Variants in ASCC3 observed in about 807,000 individuals in gnomAD.
The protein encoded by ASCC3 is ASC-1 complex subunit P200.
ASCC3 carries 158 observed loss-of-function variants against 256.3 expected under a neutral mutation model. The observed-to-expected ratio is 0.62, with a 90% CI of 0.54 to 0.70. The LOEUF (loss-of-function observed/expected upper bound fraction) is 0.70. ASCC3 is among the 30% of genes least tolerant of loss of function. The probability of loss-of-function intolerance (pLI) is 0.00; values close to 1 mark genes in which losing one functional copy is unlikely to be tolerated. For synonymous variants in ASCC3, 948 were observed against 883.4 expected (o/e 1.07, Z -1.30); for missense variants, 2,259 against 2,626.0 (o/e 0.86, Z 3.05).
At chr6:100,729,967 T>C (rs557268448) in intron 10 of ASCC3, among the ~76,000 whole-genome samples, 191 of 152,200 alleles carry the variant, frequency 1.3e-3, no homozygotes, top group African/African-American at 4.5e-3. Flanking sequence ...TCAGGAGCCA[T>C]TGATTCCAGC....
At chr6:100,838,459 C>T (rs370232887) in intron 4 of ASCC3, among the ~76,000 whole-genome samples, 1 of 151,872 alleles carries the variant, frequency 6.6e-6, no homozygotes, top group Non-Finnish European at 1.5e-5. Flanking sequence ...AAGAAAATGA[C>T]CATGAAAATT....
chr6:100,591,994 T>G (rs1399739843), intron 34 of ASCC3, among the ~76,000 whole-genome samples: 1 of 151,946 alleles, frequency 6.6e-6, no homozygotes, highest in Non-Finnish European at 1.5e-5. Flanking sequence ...TTTACTGTAT[T>G]TACAAGGTAT....
chr6:100,715,660 A>G, intron 12 of ASCC3, 127 bp from the exon 13 acceptor site: 2 of 682,384 alleles, frequency 2.9e-6, no homozygotes, highest in Non-Finnish European at 5.2e-6. Flanking sequence ...AGAGGTATCA[A>G]ATACCTCATA....
At chr6:100,661,394 T>C (rs1198062902) in intron 16 of ASCC3, among the ~76,000 whole-genome samples, 1 of 150,448 alleles carries the variant, frequency 6.6e-6, no homozygotes, top group Non-Finnish European at 1.5e-5. Context: ...AATCACATTG[T>C]GTATAACAAA....
intron 4 of ASCC3, among the ~76,000 whole-genome samples, chr6:100,820,380 A>T (rs1582912799): frequency 6.6e-6 from 1 of 152,220 alleles, no homozygotes; most frequent in African/African-American, 2.4e-5. Context: ...AAGACTATTT[A>T]AAGGGAAAAG....
intron 37 of ASCC3, among the ~76,000 whole-genome samples, chr6:100,522,174 G>C (rs1488381265): frequency 6.6e-6 from 1 of 152,042 alleles, no homozygotes; most frequent in African/African-American, 2.4e-5. Flanking sequence ...GACAAAGCTA[G>C]GATGATTCTG....
intron 8 of ASCC3, among the ~76,000 whole-genome samples, chr6:100,792,325 A>C (rs369430774): frequency 3.7e-4 from 56 of 152,104 alleles, no homozygotes; most frequent in Admixed American, 1.5e-3. Flanking sequence ...TATTGACAAG[A>C]GGTGGTAAAA....
intron 12 of ASCC3, among the ~76,000 whole-genome samples, chr6:100,716,979 ACATAAT>A (rs1202986952): frequency 6.6e-6 from 1 of 151,612 alleles, no homozygotes; most frequent in Admixed American, 6.6e-5. Flanking sequence ...AAAATGAACT[ACATAAT>A]CAAATTATAT....
chr6:100,801,385 G>A (rs1769908810), intron 5 of ASCC3, among the ~76,000 whole-genome samples: 1 of 152,070 alleles, frequency 6.6e-6, no homozygotes, highest in Non-Finnish European at 1.5e-5. Flanking sequence ...TCCATACTCT[G>A]ACAAAGCACA....
intron 14 of ASCC3, among the ~76,000 whole-genome samples, chr6:100,678,895 C>T (rs187634151): frequency 1.3e-5 from 2 of 152,222 alleles, no homozygotes; most frequent in Admixed American, 1.3e-4. Context: ...ACATCTTTGG[C>T]CTTCGGGCCA....
Position 100,627,646 on chromosome 6 carries a change from A to T in ASCC3, c.4586T>A (p.Phe1529Tyr). ...ACGAGGACAGTAATGTTGACCTGGA[A>T]AGCCTTGAATGTGAACTTCCAGTGG... is the stretch of plus-strand genomic sequence containing the variant. ...PVPLEVHIQG[F>Y]PGQHYCPRMA... The change falls in exon 29 of 42, where the codon TTT (phenylalanine) becomes TAT (tyrosine). Residue 1529 changes from phenylalanine (F) to tyrosine (Y), a missense_variant. Around this residue, in one of 2 missense-constraint regions of ASCC3, gnomAD observed 1,839 missense variants for 2,206.7 expected, o/e 0.83. Coordinates refer to ENST00000369162, the MANE Select transcript of ASCC3 (RefSeq NM_006828.4). The T allele has an allele frequency of 6.2e-7, 1 of 1,613,686 alleles. No homozygotes were observed. Among genetic ancestry groups the T allele is most frequent in the Non-Finnish European group, 8.5e-7 (1 of 1,179,782 alleles).
chr6:100,578,102 G>A (rs1241745925), intron 36 of ASCC3, among the ~76,000 whole-genome samples: 2 of 151,924 alleles, frequency 1.3e-5, no homozygotes, highest in East Asian at 1.9e-4. Flanking sequence ...GGGTGATATT[G>A]TCAATATAAT....
chr6:100,725,551 A>T lies in ASCC3; in HGVS notation c.1890T>A (p.Arg630=). The change falls in exon 11 of 42, where the codon CGT becomes CGA. Residue 630 remains arginine, a synonymous_variant. Coordinates refer to ENST00000369162, the MANE Select transcript of ASCC3 (RefSeq NM_006828.4). ...AACTTCCTCTTACCTGCCGTAAAGT[A>T]CGGGCAACTATGCTTTCTAATACTG... The part of the protein sequence containing the change: ...RGPVLESIVA[R]TLRQVESTQS... 6.2e-7 allele frequency: 1 copy of T among 1,612,444 alleles called. No individual in the cohort carries two copies. Among genetic ancestry groups the T allele is most frequent in the South Asian group, 1.1e-5 (1 of 91,048 alleles).
Position 100,645,761 on chromosome 6 carries a change from T to C in ASCC3, c.3633+854A>G, listed in dbSNP as rs189857484. ...TATATACATAATAATATCTAAGCTA[T>C]CAAAGGAGAAGAAGGAATTAAAACA... is the stretch of plus-strand genomic sequence containing the variant. On this transcript the variant is annotated intron_variant, in intron 22 of 41. Transcript: ENST00000369162. 3.3e-5 allele frequency among the ~76,000 whole-genome samples: 5 copies of C among 152,042 alleles called. No individual in the cohort carries two copies. The East Asian group carries it at 7.7e-4, about 23-fold the overall frequency.
intron 13 of ASCC3, among the ~76,000 whole-genome samples, chr6:100,694,843 T>A (rs921649707): frequency 6.6e-6 from 1 of 152,078 alleles, no homozygotes. Flanking sequence ...AAGGAAATGA[T>A]GGAGTTAGAA....
chr6:100,729,080 A>G (rs775756297), intron 10 of ASCC3, among the ~76,000 whole-genome samples: 8 of 152,180 alleles, frequency 5.3e-5, no homozygotes, highest in Admixed American at 1.3e-4. Flanking sequence ...GGGAAGGCTG[A>G]TAATACAACT....
intron 30 of ASCC3, among the ~76,000 whole-genome samples, chr6:100,617,301 C>A (rs1773717522): frequency 1.3e-5 from 2 of 152,084 alleles, no homozygotes; most frequent in South Asian, 4.1e-4. Context: ...AGCCACCGTG[C>A]CTGGCCCAGT....
At chr6:100,588,513 A>G (rs1268848496) in intron 36 of ASCC3, among the ~76,000 whole-genome samples, 1 of 152,166 alleles carries the variant, frequency 6.6e-6, no homozygotes, top group Non-Finnish European at 1.5e-5. Context: ...GTACTCTTCT[A>G]TCAGAAATAA....
intron 20 of ASCC3, among the ~76,000 whole-genome samples, chr6:100,649,821 T>A (rs989423399): frequency 3.3e-5 from 5 of 151,626 alleles, no homozygotes; most frequent in Admixed American, 6.6e-5. Flanking sequence ...ATAATTTTTT[T>A]AAAAAAGTAT....
Sources: gnomAD v4.1 joint callset for allele counts (sites outside exome capture counted in the v4.1 genomes callset) on GRCh38, gnomAD v4.1.1 for gene constraint, gnomAD v4.1.1 regional missense constraint, MANE v1.5 for transcripts, NCBI Gene and HGNC (gene_info 2026-07-23, HGNC 2026-07-21) for gene names.